The following HUS1 variants were observed in gnomAD, a reference collection of about 807,000 sequenced individuals.
The protein encoded by HUS1 is HUS1 checkpoint clamp component.
In HUS1, 31 loss-of-function variants were observed where a neutral mutation model predicts 32.6. That is an observed-to-expected ratio of 0.95 (90% CI 0.72 to 1.28). HUS1 has a LOEUF of 1.28. HUS1 is among the 50% of genes most tolerant of loss of function. HUS1 has a pLI of 0.00. For missense variants in HUS1, 340 were observed against 337.7 expected, an observed-to-expected ratio of 1.01 and a Z score of -0.05; for synonymous variants, 123 against 116.6, an observed-to-expected ratio of 1.06 and a Z score of -0.36.
At position 47,963,532 on chromosome 7, in the gene HUS1, G is replaced by A. The variant is rs1468578708; in HGVS notation, c.*1824C>T. The A allele has an allele frequency of 6.6e-6, 1 of 152,162 alleles. No individual in the cohort carries two copies. The highest frequency in any genetic ancestry group is 1.5e-5 in the Non-Finnish European group (1 of 68,032). The allele number at this position is 152,162 out of a possible 1,614,324, so 9.4% of individuals were successfully genotyped here. ...CAGCTGGAATTAATTTCGTTACAATGAGAGGAGGAAGGGTTTAAAAATTAA... is the reference window on the plus strand; with the variant it reads ...CAGCTGGAATTAATTTCGTTACAATAAGAGGAGGAAGGGTTTAAAAATTAA... On this transcript the variant is annotated 3_prime_UTR_variant, in exon 8 of 8. Transcript: ENST00000258774.
chr7:47,978,373 G>A (rs375517240), intron 3 of HUS1, 44 bp downstream of exon 3: 40 of 1,547,588 alleles, frequency 2.6e-5, no homozygotes, highest in Admixed American at 1.1e-4. Context: ...CTATTCCTTC[G>A]AGGCCAAGAC....
intron 5 of HUS1, 42 bp from the exon 6 acceptor site, chr7:47,969,360 A>G (rs1172056321): frequency 1.7e-6 from 2 of 1,150,716 alleles, no homozygotes; most frequent in Admixed American, 4.0e-5. Flanking sequence ...AAAGGAAGCC[A>G]AAAGGAAAAA....
chr7:47,968,941 G>A (rs1002631295), intron 6 of HUS1: 1 of 310,312 alleles, frequency 3.2e-6, no homozygotes, highest in Non-Finnish European at 5.8e-6. Context: ...AGCTGGAAGG[G>A]ATCTTGGAGG....
chr7:47,967,718 A>G, intron 7 of HUS1, 88 bp downstream of exon 7: 2 of 770,212 alleles, frequency 2.6e-6, no homozygotes, highest in Non-Finnish European at 3.8e-6. Context: ...TGGATTTATG[A>G]GACTATATGC....
chr7:47,979,458 C>G lies in HUS1; in HGVS notation c.52+10G>C. The G allele has an allele frequency of 6.2e-7, 1 of 1,613,550 alleles. No individual in the cohort carries two copies. The highest frequency in any genetic ancestry group is 8.5e-7 in the Non-Finnish European group (1 of 1,179,908). ...TTCCTCCCTCGCTCCTCTCCGGCCT[C>G]CCTGCTCACGTGTGAAGTGGTTCAG... is the stretch of plus-strand genomic sequence containing the variant. On this transcript the variant is annotated intron_variant, in intron 1 of 7. Coordinates refer to ENST00000258774, the MANE Select transcript of HUS1 (RefSeq NM_004507.4).
chr7:47,963,834 A>T lies in HUS1; in HGVS notation c.*1522T>A, dbSNP rs919678782. 6.6e-6 allele frequency: 1 copy of T among 152,098 alleles called. No individual in the cohort carries two copies. The highest frequency in any genetic ancestry group is 2.4e-5 in the African/African-American group (1 of 41,402). 9.4% of individuals were successfully genotyped at this position (152,098 alleles called of 1,614,324 possible). A position where few individuals can be genotyped will look rare whatever the true frequency, so the allele number is the denominator to read the frequency against. On this transcript the variant is annotated 3_prime_UTR_variant, in exon 8 of 8. Coordinates refer to ENST00000258774, the MANE Select transcript of HUS1 (RefSeq NM_004507.4). ...GGCAGGAGAATCGCTTGAACTTGGGAAGTGGAGGCTGCAGTAAGCCAAGAT... is the reference window on the plus strand; with the variant it reads ...GGCAGGAGAATCGCTTGAACTTGGGTAGTGGAGGCTGCAGTAAGCCAAGAT...
intron 5 of HUS1, among the ~76,000 whole-genome samples, chr7:47,970,909 A>C (rs533694246): frequency 1.3e-5 from 2 of 152,354 alleles, no homozygotes; most frequent in South Asian, 4.1e-4. Flanking sequence ...TATTCCTGTG[A>C]GTCCTTCTTG....
chr7:47,979,571 C>G lies in HUS1; in HGVS notation c.-52G>C, dbSNP rs757678727. ...GCCTCTGTGGGTAACAGAAAAGCGTCGCGCCCTGAGTGTCCCCGCCCGGAA... is the reference window on the plus strand; with the variant it reads ...GCCTCTGTGGGTAACAGAAAAGCGTGGCGCCCTGAGTGTCCCCGCCCGGAA... On this transcript the variant is annotated 5_prime_UTR_variant, in exon 1 of 8. Transcript: ENST00000258774. The G allele has an allele frequency of 2.0e-6, 3 of 1,468,686 alleles. No homozygotes were observed. Among genetic ancestry groups the G allele is most frequent in the African/African-American group, 1.4e-5 (1 of 72,360 alleles). 91.0% of individuals were successfully genotyped at this position (1,468,686 alleles called of 1,614,324 possible). A position where few individuals can be genotyped will look rare whatever the true frequency, so the allele number is the denominator to read the frequency against.
intron 3 of HUS1, among the ~76,000 whole-genome samples, chr7:47,977,379 G>A (rs1788727702): frequency 6.6e-6 from 1 of 152,232 alleles, no homozygotes; most frequent in South Asian, 2.1e-4. Flanking sequence ...CACTCAGAGT[G>A]CTGCAGTTTC....
intron 5 of HUS1, among the ~76,000 whole-genome samples, chr7:47,973,167 T>C (rs1788632877): frequency 6.6e-6 from 1 of 152,238 alleles, no homozygotes; most frequent in South Asian, 2.1e-4. Flanking sequence ...TCCTCAGCTA[T>C]ACAGGACTGT....
At chr7:47,971,317 A>G (rs923602946) in intron 5 of HUS1, 13 of 343,204 alleles carry the variant, frequency 3.8e-5, no homozygotes, top group Non-Finnish European at 1.2e-5. Context: ...TTGGGTTACC[A>G]GGACTGAGGA....
intron 5 of HUS1, 105 bp downstream of exon 5, chr7:47,975,508 G>A (rs1404736097): frequency 2.7e-6 from 2 of 734,210 alleles, no homozygotes; most frequent in Admixed American, 2.2e-5. Context: ...GTGGGAACTC[G>A]GTTAGGAGGT....
chr7:47,978,328 A>C (rs1788750047), intron 3 of HUS1, 89 bp downstream of exon 3: 1 of 1,110,110 alleles, frequency 9.0e-7, no homozygotes, highest in African/African-American at 1.6e-5. Flanking sequence ...AGCTTTCAAC[A>C]GTATTTATTG....
At chr7:47,976,555 A>G in intron 4 of HUS1, 175 bp downstream of exon 4, 2 of 629,428 alleles carry the variant, frequency 3.2e-6, no homozygotes, top group East Asian at 2.9e-5. Flanking sequence ...TGACATTTCT[A>G]TCATATGCAA....
chr7:47,977,860 C>T (rs1365637413), intron 3 of HUS1, among the ~76,000 whole-genome samples: 1 of 152,168 alleles, frequency 6.6e-6, no homozygotes, highest in African/African-American at 2.4e-5. Context: ...CGCCACTGCA[C>T]TCCAGCCTGG....
intron 5 of HUS1, among the ~76,000 whole-genome samples, chr7:47,975,041 C>T (rs905288085): frequency 1.3e-5 from 2 of 152,148 alleles, no homozygotes; most frequent in African/African-American, 4.8e-5. Context: ...CAGCCGGGCG[C>T]GGTGGCTCAC....
Position 47,967,938 on chromosome 7 carries a change from G to A in HUS1, c.641-13C>T, listed in dbSNP as rs764015272. On this transcript the variant is annotated splice_polypyrimidine_tract_variant and intron_variant, in intron 6 of 7. Transcript: ENST00000258774. ...GTGCTTTCAGAGGCTAAAATGATAG[G>A]AATGCATTTAAATACAACATCTTCC... The A allele has an allele frequency of 5.6e-6, 9 of 1,606,754 alleles. No homozygotes were observed. Among genetic ancestry groups the A allele is most frequent in the Non-Finnish European group, 5.9e-6 (7 of 1,176,988 alleles).
chr7:47,975,554 G>T, intron 5 of HUS1, 59 bp downstream of exon 5: 1 of 1,110,486 alleles, frequency 9.0e-7, no homozygotes, highest in Non-Finnish European at 1.4e-6. Flanking sequence ...GTGAGCTGGA[G>T]AACCCACGCC....
chr7:47,976,814 G>A lies in HUS1; in HGVS notation c.381C>T (p.Arg127=), dbSNP rs566112707. ...TTATGGGGATGTCATGGGTCACAAT[G>A]CGGCTACTGCTTGACATAGATAACT... ...VELLSMSSSS[R]IVTHDIPIKV... Residue 127 remains arginine (R), a synonymous_variant, in exon 4 of 8, where the codon CGC becomes CGT. Transcript: ENST00000258774. 1.9e-6 allele frequency: 3 copies of A among 1,611,966 alleles called. No homozygotes were observed. Among genetic ancestry groups the A allele is most frequent in the Non-Finnish European group, 2.5e-6 (3 of 1,178,382 alleles).
Sources: gnomAD v4.1 joint callset for allele counts (sites outside exome capture counted in the v4.1 genomes callset) on GRCh38, gnomAD v4.1.1 for gene constraint, MANE v1.5 for transcripts, NCBI Gene and HGNC (gene_info 2026-07-23, HGNC 2026-07-21) for gene names.